KCNMA1: variants seen among roughly 807,000 people sequenced by gnomAD.
KCNMA1 encodes potassium calcium-activated channel subfamily M alpha 1, also known as Calcium-activated potassium channel subunit alpha-1.
A neutral mutation model predicts 140.0 loss-of-function variants in KCNMA1; 29 were observed. The observed-to-expected ratio is 0.21, with a 90% CI of 0.15 to 0.28. The LOEUF is 0.28. KCNMA1 is among the 10% of genes least tolerant of loss of function. The pLI is 1.00. For missense variants in KCNMA1, 880 were observed against 1,602.2 expected, an observed-to-expected ratio of 0.55 and a Z score of 7.70; for synonymous variants, 612 against 611.9, an observed-to-expected ratio of 1.00 and a Z score of 0.00.
At chr10:77,427,833 A>C (rs2097057866) in intron 1 of KCNMA1, among the ~76,000 whole-genome samples, 1 of 151,182 alleles carries the variant, frequency 6.6e-6, no homozygotes. Flanking sequence ...CACTGCTGCA[A>C]CCTCCACCTC....
intron 3 of KCNMA1, among the ~76,000 whole-genome samples, chr10:77,203,640 G>C (rs1274905708): frequency 2.0e-5 from 3 of 152,104 alleles, no homozygotes; most frequent in Non-Finnish European, 4.4e-5. Flanking sequence ...CCGCAAAATA[G>C]GCCCTCAATA....
chr10:77,234,031 T>C (rs1249247166), intron 3 of KCNMA1, among the ~76,000 whole-genome samples: 1 of 152,186 alleles, frequency 6.6e-6, no homozygotes, highest in Non-Finnish European at 1.5e-5. Context: ...AAGATTACAA[T>C]TGTTACAGGT....
intron 2 of KCNMA1, among the ~76,000 whole-genome samples, chr10:77,403,365 T>A: frequency 6.6e-6 from 1 of 151,926 alleles, no homozygotes. Context: ...ATTTCTACCG[T>A]GCACAGGGCC....
intron 1 of KCNMA1, among the ~76,000 whole-genome samples, chr10:77,600,306 A>T (rs2082218118): frequency 6.6e-6 from 1 of 152,222 alleles, no homozygotes; most frequent in Non-Finnish European, 1.5e-5. Context: ...AGACCTATCA[A>T]AAGGTAATGG....
chr10:76,922,457 C>A (rs182654837), intron 23 of KCNMA1, among the ~76,000 whole-genome samples: 3 of 152,294 alleles, frequency 2.0e-5, no homozygotes, highest in Admixed American at 2.0e-4. Context: ...AGCCAGGCAT[C>A]CTGACTTCAC....
intron 3 of KCNMA1, among the ~76,000 whole-genome samples, chr10:77,207,376 C>T (rs1032132808): frequency 3.3e-5 from 5 of 152,280 alleles, no homozygotes; most frequent in African/African-American, 1.2e-4. Context: ...ACTCTAGTTC[C>T]TATTACTAAC....
chr10:77,245,537 T>C (rs888353119), intron 3 of KCNMA1, among the ~76,000 whole-genome samples: 1 of 152,202 alleles, frequency 6.6e-6, no homozygotes, highest in African/African-American at 2.4e-5. Flanking sequence ...ACCTCCATCC[T>C]ATGTGGCTCC....
chr10:77,054,048 G>A (rs2095464361), intron 14 of KCNMA1, among the ~76,000 whole-genome samples: 1 of 152,122 alleles, frequency 6.6e-6, no homozygotes. Context: ...CAGGAAGGGT[G>A]AGGGCTGTGG....
chr10:77,035,284 C>T (rs558737484), intron 15 of KCNMA1, among the ~76,000 whole-genome samples: 24 of 152,236 alleles, frequency 1.6e-4, no homozygotes, highest in African/African-American at 5.3e-4. Flanking sequence ...TCAAAACTCC[C>T]GACAAGACAC....
intron 3 of KCNMA1, among the ~76,000 whole-genome samples, chr10:77,247,537 T>A (rs543780988): frequency 2.0e-5 from 3 of 152,290 alleles, no homozygotes; most frequent in Admixed American, 2.0e-4. Context: ...TTCACAAGGA[T>A]CAGAATATGT....
intron 14 of KCNMA1, among the ~76,000 whole-genome samples, chr10:77,060,841 G>T (rs896162310): frequency 1.3e-5 from 2 of 152,108 alleles, no homozygotes; most frequent in Non-Finnish European, 2.9e-5. Context: ...CACAATGTTG[G>T]AGTGATGCGA....
At chr10:76,942,128 T>C (rs1181776993) in intron 23 of KCNMA1, among the ~76,000 whole-genome samples, 1 of 152,182 alleles carries the variant, frequency 6.6e-6, no homozygotes, top group African/African-American at 2.4e-5. Flanking sequence ...CCCGCCACCA[T>C]GCCTGGCTAA....
intron 1 of KCNMA1, among the ~76,000 whole-genome samples, chr10:77,597,066 T>C (rs1420413342): frequency 1.3e-5 from 2 of 152,106 alleles, no homozygotes; most frequent in Non-Finnish European, 2.9e-5. Context: ...CCTTTTGACT[T>C]AGGAATTCCG....
At chr10:77,191,070 C>T (rs2098934515) in intron 3 of KCNMA1, among the ~76,000 whole-genome samples, 1 of 152,104 alleles carries the variant, frequency 6.6e-6, no homozygotes, top group Non-Finnish European at 1.5e-5. Context: ...TGGAATCTAT[C>T]TATAACCAAG....
At position 77,324,961 on chromosome 10, in the gene KCNMA1, CTCTCTCTCTCTG is replaced by C. The variant is rs1250956911; in HGVS notation, c.541-73717_541-73706del. ...CTAGACTCTCTCTCTCTCTCTCTCT[CTCTCTCTCTCTG>C]TGTGTGTGTGTGTGTGTGTGTGTGT... On this transcript the variant is annotated intron_variant, in intron 2 of 27. Transcript: ENST00000286628. Among the ~76,000 whole-genome samples the C allele has an allele frequency of 1.7e-3, 227 of 132,454 alleles. 2 individuals carry two copies. Among genetic ancestry groups the C allele is most frequent in the Middle Eastern group, 7.8e-3 (2 of 256 alleles). 86.9% of individuals were successfully genotyped at this position (132,454 alleles called of 152,430 possible). A position where few individuals can be genotyped will look rare whatever the true frequency, so the allele number is the denominator to read the frequency against.
chr10:77,508,487 C>G (rs1222544057), intron 1 of KCNMA1, among the ~76,000 whole-genome samples: 1 of 151,460 alleles, frequency 6.6e-6, no homozygotes, highest in Non-Finnish European at 1.5e-5. Context: ...ACTCAGCCTG[C>G]TTTGACTTTT....
At chr10:77,431,612 G>A (rs2097152443) in intron 1 of KCNMA1, among the ~76,000 whole-genome samples, 1 of 149,546 alleles carries the variant, frequency 6.7e-6, no homozygotes, top group Non-Finnish European at 1.5e-5. Context: ...CAGCCCTAGG[G>A]CAGCTGCAAC....
chr10:77,080,314 G>A (rs180859866), intron 12 of KCNMA1, among the ~76,000 whole-genome samples: 5 of 152,288 alleles, frequency 3.3e-5, no homozygotes, highest in East Asian at 3.9e-4. Flanking sequence ...GTGTAGCCCC[G>A]CTGTGCAGGA....
chr10:77,017,529 A>G (rs780367434), intron 17 of KCNMA1, among the ~76,000 whole-genome samples: 3 of 152,168 alleles, frequency 2.0e-5, no homozygotes, highest in African/African-American at 7.2e-5. Flanking sequence ...TCTTTCCCCA[A>G]TTTGCAGAAA....
Sources: allele counts gnomAD v4.1 joint callset (sites outside exome capture counted in the v4.1 genomes callset), GRCh38; gene constraint gnomAD v4.1.1; transcripts MANE v1.5; gene names NCBI Gene and HGNC (gene_info 2026-07-23, HGNC 2026-07-21).